Variants in PTPRD observed in about 807,000 individuals in gnomAD.
PTPRD encodes the protein receptor-type tyrosine-protein phosphatase delta.
In PTPRD, 34 loss-of-function variants were observed where a neutral mutation model predicts 214.5. That is an observed-to-expected ratio of 0.16 (90% CI 0.12 to 0.21). PTPRD has a LOEUF of 0.21. PTPRD is among the 10% of genes least tolerant of loss of function. The probability of loss-of-function intolerance (pLI) is 1.00; values close to 1 mark genes in which losing one functional copy is unlikely to be tolerated. For synonymous variants in PTPRD, 1,128 were observed against 845.7 expected (o/e 1.33, Z -5.79); for missense variants, 2,545 against 2,398.7 (o/e 1.06, Z -1.27).
chr9:9,714,901 A>T (rs997583066), intron 7 of PTPRD, among the ~76,000 whole-genome samples: 1 of 152,290 alleles, frequency 6.6e-6, no homozygotes, highest in South Asian at 2.1e-4. Flanking sequence ...TAGGGGGGTA[A>T]ATTGGGCATG....
At chr9:9,960,138 A>G (rs1038698667) in intron 4 of PTPRD, among the ~76,000 whole-genome samples, 5 of 152,120 alleles carry the variant, frequency 3.3e-5, no homozygotes, top group East Asian at 3.9e-4. Context: ...AACTTGGAAC[A>G]ACCAGTAGTG....
At chr9:9,757,508 C>T (rs899460889) in intron 6 of PTPRD, among the ~76,000 whole-genome samples, 1 of 151,956 alleles carries the variant, frequency 6.6e-6, no homozygotes, top group Non-Finnish European at 1.5e-5. Flanking sequence ...GGGAAGACAA[C>T]GATTTCAGAA....
At chr9:10,523,829 T>C (rs1328311714) in intron 2 of PTPRD, among the ~76,000 whole-genome samples, 1 of 151,674 alleles carries the variant, frequency 6.6e-6, no homozygotes, top group African/African-American at 2.4e-5. Context: ...TTCAGGGGCC[T>C]AACTATATAT....
intron 10 of PTPRD, among the ~76,000 whole-genome samples, chr9:9,115,622 T>C (rs1025434006): frequency 1.3e-5 from 2 of 152,168 alleles, no homozygotes; most frequent in Admixed American, 6.6e-5. Flanking sequence ...GCAATCCCAC[T>C]GGTATGTATC....
chr9:8,316,491 C>T lies in PTPRD; in HGVS notation c.*1383G>A, dbSNP rs184765202. 3 of 230,250 alleles carry T rather than the reference C, an allele frequency of 1.3e-5. No homozygotes were observed. The East Asian group carries it at 1.8e-4, about 14-fold the overall frequency. 14.3% of individuals were successfully genotyped at this position (230,250 alleles called of 1,614,324 possible). On this transcript the variant is annotated 3_prime_UTR_variant, in exon 46 of 46. Coordinates refer to ENST00000381196, the MANE Select transcript of PTPRD (RefSeq NM_002839.4). ...TATCATAAATGCAAATTTCATAGCA[C>T]ATACTATAGACAATATACGATTGAA...
intron 10 of PTPRD, among the ~76,000 whole-genome samples, chr9:9,140,519 A>T (rs535471401): frequency 6.6e-6 from 1 of 152,192 alleles, no homozygotes; most frequent in Non-Finnish European, 1.5e-5. Flanking sequence ...GACAACCGGG[A>T]CTCTGGACTC....
rs192374904 is a variant in PTPRD at position 9,998,960 on chromosome 9, G to C, written c.-472+34758C>G. Among the ~76,000 whole-genome samples, 189 of 152,090 alleles carry C rather than the reference G, an allele frequency of 1.2e-3. 1 individual carries two copies. Among genetic ancestry groups the C allele is most frequent in the South Asian group, 2.9e-3 (14 of 4,818 alleles). ...TCCTCAGTTTTTTTTCCTTCTATAAGAAATAGCAGGGATGCATTGCAGGGG... is the reference window on the plus strand; with the variant it reads ...TCCTCAGTTTTTTTTCCTTCTATAACAAATAGCAGGGATGCATTGCAGGGG... On this transcript the variant is annotated intron_variant, in intron 4 of 45. Transcript: ENST00000381196.
intron 10 of PTPRD, among the ~76,000 whole-genome samples, chr9:9,106,932 C>G (rs1336109335): frequency 3.9e-5 from 6 of 152,096 alleles, no homozygotes; most frequent in Non-Finnish European, 7.4e-5. Context: ...TATGGGAGAT[C>G]AGTTGGCCTA....
intron 31 of PTPRD, among the ~76,000 whole-genome samples, chr9:8,470,219 C>T (rs1235089922): frequency 6.6e-6 from 1 of 152,052 alleles, no homozygotes; most frequent in East Asian, 1.9e-4. Flanking sequence ...CATTAACTTG[C>T]TGTGGTCCTC....
At chr9:9,532,043 C>G in intron 8 of PTPRD, among the ~76,000 whole-genome samples, 1 of 151,836 alleles carries the variant, frequency 6.6e-6, no homozygotes, top group East Asian at 1.9e-4. Flanking sequence ...ATGACAGATT[C>G]CATATTAAAT....
intron 11 of PTPRD, among the ~76,000 whole-genome samples, chr9:8,848,061 G>T (rs756964070): frequency 2.3e-4 from 35 of 151,866 alleles, no homozygotes; most frequent in Non-Finnish European, 3.7e-4. Flanking sequence ...AACTATTCTT[G>T]GTGGAAATAT....
At chr9:10,449,834 G>C (rs554126340) in intron 2 of PTPRD, among the ~76,000 whole-genome samples, 1 of 151,798 alleles carries the variant, frequency 6.6e-6, no homozygotes, top group Non-Finnish European at 1.5e-5. Context: ...AGAGAGATCA[G>C]ATTGTTACTG....
rs1208141063 is a variant in PTPRD at position 9,229,947 on chromosome 9, C to G, written c.-202-46584G>C. Among the ~76,000 whole-genome samples, 3 of 152,002 alleles carry G rather than the reference C, an allele frequency of 2.0e-5. No homozygotes were observed. In the East Asian group the frequency reaches 5.8e-4, roughly 29 times the overall value. On this transcript the variant is annotated intron_variant, in intron 9 of 45. Transcript: ENST00000381196. ...GGGAGTGACTAGATAATACTAGATTCATTGTTGAGATTTATTTTCATTTAT... is the reference window on the plus strand; with the variant it reads ...GGGAGTGACTAGATAATACTAGATTGATTGTTGAGATTTATTTTCATTTAT...
chr9:8,542,482 G>A (rs191810088), intron 14 of PTPRD, among the ~76,000 whole-genome samples: 1 of 152,250 alleles, frequency 6.6e-6, no homozygotes, highest in Admixed American at 6.5e-5. Flanking sequence ...TTGAAGATGA[G>A]GAATGAAGGA....
chr9:10,273,511 C>T (rs1021713364), intron 3 of PTPRD, among the ~76,000 whole-genome samples: 1 of 152,054 alleles, frequency 6.6e-6, no homozygotes, highest in African/African-American at 2.4e-5. Context: ...TTTAACCTGA[C>T]TGAAGTCCAA....
chr9:8,744,129 C>T (rs919816384), intron 11 of PTPRD, among the ~76,000 whole-genome samples: 4 of 151,844 alleles, frequency 2.6e-5, no homozygotes, highest in African/African-American at 4.8e-5. Flanking sequence ...TGGTCATAAT[C>T]GAAAAAATAT....
At chr9:10,039,696 A>T (rs949818961) in intron 3 of PTPRD, among the ~76,000 whole-genome samples, 1 of 150,318 alleles carries the variant, frequency 6.7e-6, no homozygotes, top group Non-Finnish European at 1.5e-5. Context: ...ACAAAGGGGT[A>T]TGATTGTACT....
intron 8 of PTPRD, among the ~76,000 whole-genome samples, chr9:9,478,514 G>A (rs1364614283): frequency 6.6e-6 from 1 of 152,078 alleles, no homozygotes; most frequent in East Asian, 1.9e-4. Flanking sequence ...AAATAGTGAG[G>A]ATGAAAGTGG....
chr9:8,605,445 C>T (rs2095148783), intron 14 of PTPRD, among the ~76,000 whole-genome samples: 1 of 152,050 alleles, frequency 6.6e-6, no homozygotes, highest in Admixed American at 6.6e-5. Flanking sequence ...GACCTGAAAC[C>T]ATTGGGTCAA....
Sources: allele counts gnomAD v4.1 joint callset (sites outside exome capture counted in the v4.1 genomes callset), GRCh38; gene constraint gnomAD v4.1.1; transcripts MANE v1.5; gene names NCBI Gene and HGNC (gene_info 2026-07-23, HGNC 2026-07-21).